Variants in EIF4B observed in about 807,000 individuals in gnomAD.
EIF4B encodes eukaryotic translation initiation factor 4B.
EIF4B carries 8 observed loss-of-function variants against 79.3 expected under a neutral mutation model. That is an observed-to-expected ratio of 0.10 (90% CI 0.06 to 0.18). The LOEUF (loss-of-function observed/expected upper bound fraction) is 0.18. EIF4B is among the 10% of genes least tolerant of loss of function. EIF4B has a pLI of 1.00. For synonymous variants in EIF4B, 238 were observed against 274.7 expected (o/e 0.87, Z 1.32); for missense variants, 515 against 792.4 (o/e 0.65, Z 4.20).
chr12:53,038,175 G>A (rs986973454), intron 11 of EIF4B, 181 bp from the exon 12 acceptor site: 1 of 484,024 alleles, frequency 2.1e-6, no homozygotes, highest in Admixed American at 3.9e-5. Flanking sequence ...AAAGCATATG[G>A]CACTTTAGTG....
intron 4 of EIF4B, 199 bp from the exon 5 acceptor site, chr12:53,021,607 A>G (rs1943247707): frequency 2.9e-6 from 2 of 679,022 alleles, no homozygotes; most frequent in African/African-American, 3.6e-5. Flanking sequence ...CCTAATATTC[A>G]AGGCCAGCTT....
chr12:53,020,216 G>T (rs1943225952), intron 4 of EIF4B, among the ~76,000 whole-genome samples, 190 bp downstream of exon 4: 2 of 152,164 alleles, frequency 1.3e-5, no homozygotes, highest in South Asian at 4.1e-4. Flanking sequence ...AGCAAATTCA[G>T]TAGGCCCCAA....
chr12:53,031,059 G>A (rs1247164652), intron 8 of EIF4B, among the ~76,000 whole-genome samples: 1 of 151,840 alleles, frequency 6.6e-6, no homozygotes, highest in Non-Finnish European at 1.5e-5. Flanking sequence ...CCTTCGTTGA[G>A]GCCTCATTGC....
At chr12:53,017,218 A>G (rs1943162594) in intron 2 of EIF4B, among the ~76,000 whole-genome samples, 3 of 150,102 alleles carry the variant, frequency 2.0e-5, no homozygotes, top group Non-Finnish European at 4.4e-5. Flanking sequence ...ATGCCACTGC[A>G]CTCCAGCGTG....
chr12:53,021,355 A>G (rs1180703770), intron 4 of EIF4B, among the ~76,000 whole-genome samples: 1 of 151,838 alleles, frequency 6.6e-6, no homozygotes, highest in East Asian at 1.9e-4. Context: ...CTGGATTTGA[A>G]CTCCTGGGCT....
At chr12:53,031,860 G>T (rs1376433783) in intron 8 of EIF4B, among the ~76,000 whole-genome samples, 1 of 152,084 alleles carries the variant, frequency 6.6e-6, no homozygotes. Context: ...TCATCAGGAG[G>T]TTTTACCTCT....
At chr12:53,006,598 C>T in intron 1 of EIF4B, 102 bp downstream of exon 1, 1 of 1,596,090 alleles carries the variant, frequency 6.3e-7, no homozygotes, top group Non-Finnish European at 8.5e-7. Flanking sequence ...GCACTGGTTC[C>T]TTTCTGAATT....
At position 53,028,161 on chromosome 12, in the gene EIF4B, C is replaced by G; in HGVS notation, c.952C>G (p.Arg318Gly). The change falls in exon 8 of 15, where the codon CGG becomes GGG. Residue 318 changes from arginine to glycine, a missense_variant. By Grantham distance (125) the Arg-to-Gly change is moderately radical. This residue lies in a region of EIF4B where 187 missense variants were observed against 256.5 expected (regional missense o/e 0.73). Coordinates refer to ENST00000262056, the MANE Select transcript of EIF4B (RefSeq NM_001417.7). ...RSWSSRDDYSRDDYRRDDRGP... is the reference protein window; with the variant it reads ...RSWSSRDDYSGDDYRRDDRGP... ...GTGGAGCTCCAGAGATGATTACTCTCGGGATGATTATAGGCGTGATGATAG... is the reference window on the plus strand; with the variant it reads ...GTGGAGCTCCAGAGATGATTACTCTGGGGATGATTATAGGCGTGATGATAG... 1 of 1,609,962 alleles carries G rather than the reference C, an allele frequency of 6.2e-7. No individual in the cohort carries two copies. Among genetic ancestry groups the G allele is most frequent in the Non-Finnish European group, 8.5e-7 (1 of 1,178,600 alleles).
chr12:53,025,677 T>G (rs1592221581), intron 6 of EIF4B, among the ~76,000 whole-genome samples: 2 of 152,226 alleles, frequency 1.3e-5, no homozygotes, highest in African/African-American at 4.8e-5. Flanking sequence ...TTTTAGATCA[T>G]TTCTATAATC....
intron 3 of EIF4B, among the ~76,000 whole-genome samples, chr12:53,019,673 A>ATTT: frequency 1.6e-5 from 1 of 62,056 alleles, no homozygotes; most frequent in Non-Finnish European, 4.9e-5. Context: ...GCCTGAATTA[A>ATTT]TCTTTTTTTT....
intron 10 of EIF4B, 68 bp from the exon 11 acceptor site, chr12:53,037,341 T>G: frequency 5.9e-6 from 9 of 1,533,206 alleles, no homozygotes; most frequent in Non-Finnish European, 8.0e-6. Flanking sequence ...TTCCACACTG[T>G]TGAGATCCTG....
chr12:53,021,777 G>T, intron 4 of EIF4B, 29 bp from the exon 5 acceptor site: 1 of 1,614,106 alleles, frequency 6.2e-7, no homozygotes, highest in Non-Finnish European at 8.5e-7. Flanking sequence ...TGGGGCAAAA[G>T]GTTGGTTAAT....
At chr12:53,023,763 A>T (rs577608027) in intron 6 of EIF4B, among the ~76,000 whole-genome samples, 36 of 150,330 alleles carry the variant, frequency 2.4e-4, no homozygotes, top group African/African-American at 6.9e-4. Flanking sequence ...TTGTATTCTT[A>T]GTAGAGATGG....
intron 1 of EIF4B, among the ~76,000 whole-genome samples, chr12:53,012,842 G>A (rs1192244477): frequency 3.3e-5 from 5 of 151,930 alleles, no homozygotes; most frequent in African/African-American, 1.2e-4. Flanking sequence ...TCCTGACCTC[G>A]TGATCCACCC....
chr12:53,020,846 C>T (rs550675772), intron 4 of EIF4B, among the ~76,000 whole-genome samples: 1 of 152,248 alleles, frequency 6.6e-6, no homozygotes, highest in South Asian at 2.1e-4. Context: ...TCCAGAGTTA[C>T]TCTTACTGGA....
intron 3 of EIF4B, 88 bp from the exon 4 acceptor site, chr12:53,019,822 C>A: frequency 1.6e-6 from 2 of 1,250,826 alleles, no homozygotes; most frequent in Non-Finnish European, 2.3e-6. Flanking sequence ...AATTCATGCA[C>A]ATACAGTAAT....
chr12:53,040,811 G>T lies in EIF4B; in HGVS notation c.*588G>T, dbSNP rs866418737. The T allele has an allele frequency of 1.7e-4, 26 of 150,052 alleles. No homozygotes were observed. Among genetic ancestry groups the T allele is most frequent in the African/African-American group, 4.9e-4 (20 of 41,150 alleles). 9.3% of individuals were successfully genotyped at this position (150,052 alleles called of 1,614,324 possible). ...TCCTTTTTTTTTTTTAACCCCCCAG[G>T]GGGGTAGTTGGGAGTGAGACTATAG... is the stretch of plus-strand genomic sequence containing the variant. On this transcript the variant is annotated 3_prime_UTR_variant, in exon 15 of 15. Transcript: ENST00000262056.
intron 10 of EIF4B, 64 bp from the exon 11 acceptor site, chr12:53,037,345 G>C (rs1412859825): frequency 3.9e-6 from 6 of 1,543,058 alleles, no homozygotes; most frequent in Non-Finnish European, 5.3e-6. Flanking sequence ...ACACTGTTGA[G>C]ATCCTGGTAG....
chr12:53,008,131 T>C (rs1942998989), intron 1 of EIF4B, among the ~76,000 whole-genome samples: 8 of 152,256 alleles, frequency 5.3e-5, no homozygotes, highest in Admixed American at 5.2e-4. Flanking sequence ...GGTCTGGATT[T>C]GCCACCTTAA....
Sources: gnomAD v4.1 joint callset for allele counts (sites outside exome capture counted in the v4.1 genomes callset) on GRCh38, gnomAD v4.1.1 for gene constraint, gnomAD v4.1.1 regional missense constraint, MANE v1.5 for transcripts, NCBI Gene and HGNC (gene_info 2026-07-23, HGNC 2026-07-21) for gene names.